Variants in GRIN2B observed in about 807,000 individuals in gnomAD.
The protein encoded by GRIN2B is glutamate receptor ionotropic, NMDA 2B.
In GRIN2B, 5 loss-of-function variants were observed where a neutral mutation model predicts 114.5. The observed-to-expected ratio is 0.04, with a 90% CI of 0.02 to 0.09. GRIN2B has a LOEUF of 0.09. GRIN2B is among the 10% of genes least tolerant of loss of function. GRIN2B has a pLI of 1.00. For missense variants in GRIN2B, 1,108 were observed against 1,943.5 expected (o/e 0.57, Z 8.08); for synonymous variants, 787 against 745.1 (o/e 1.06, Z -0.92).
intron 3 of GRIN2B, among the ~76,000 whole-genome samples, chr12:13,806,065 CTTTTT>C (rs972678560): frequency 6.6e-6 from 1 of 152,130 alleles, no homozygotes; most frequent in Admixed American, 6.6e-5. Context: ...CAACTTCCTT[CTTTTT>C]TAAGACTGAA....
chr12:13,658,911 T>C (rs1949893871), intron 5 of GRIN2B, among the ~76,000 whole-genome samples: 1 of 151,794 alleles, frequency 6.6e-6, no homozygotes, highest in Non-Finnish European at 1.5e-5. Context: ...TACCAACCTC[T>C]TGGGTGGTGA....
chr12:13,779,672 A>T (rs550131002), intron 3 of GRIN2B, among the ~76,000 whole-genome samples: 2 of 152,192 alleles, frequency 1.3e-5, no homozygotes, highest in Admixed American at 1.3e-4. Context: ...TTTACAACAC[A>T]TCTTAGTTCA....
chr12:13,802,798 G>C (rs1354930887), intron 3 of GRIN2B, among the ~76,000 whole-genome samples: 4 of 152,146 alleles, frequency 2.6e-5, no homozygotes, highest in African/African-American at 9.7e-5. Flanking sequence ...TATCTAGTGA[G>C]ATTAACTATC....
At chr12:13,925,861 A>G (rs764753516) in intron 2 of GRIN2B, among the ~76,000 whole-genome samples, 1 of 152,214 alleles carries the variant, frequency 6.6e-6, no homozygotes, top group Non-Finnish European at 1.5e-5. Flanking sequence ...GTTAAAATAC[A>G]GAGTGACGGG....
At chr12:13,837,617 A>G (rs759224844) in intron 3 of GRIN2B, among the ~76,000 whole-genome samples, 1 of 152,210 alleles carries the variant, frequency 6.6e-6, no homozygotes, top group Non-Finnish European at 1.5e-5. Flanking sequence ...GTCATTGCCT[A>G]AGTTCACACA....
At position 13,547,995 on chromosome 12, in the gene GRIN2B, T is replaced by TTTTTTTTTTTTTTTTC. The variant is rs71067707; in HGVS notation, c.*14787_*14788insGAAAAAAAAAAAAAAA. On this transcript the variant is annotated 3_prime_UTR_variant, in exon 14 of 14. Transcript: ENST00000609686. ...TATATATATATATTTTTTTTTTTTT[T>TTTTTTTTTTTTTTTTC]CTGAAAGCTACAGAAGAGACCACGG... 1 of 125,170 alleles carries TTTTTTTTTTTTTTTTC rather than the reference T, an allele frequency of 8.0e-6. No individual in the cohort carries two copies. Among genetic ancestry groups the TTTTTTTTTTTTTTTTC allele is most frequent in the Non-Finnish European group, 1.7e-5 (1 of 57,726 alleles). 7.8% of individuals were successfully genotyped at this position (125,170 alleles called of 1,614,324 possible).
intron 3 of GRIN2B, among the ~76,000 whole-genome samples, chr12:13,767,258 CAAAAAAA>C (rs34462939): frequency 2.0e-5 from 2 of 97,686 alleles, no homozygotes; most frequent in African/African-American, 8.0e-5. Flanking sequence ...GACTCTGTCT[CAAAAAAA>C]AAAAAAAAAA....
At chr12:13,627,569 C>T (rs1949580717) in intron 5 of GRIN2B, among the ~76,000 whole-genome samples, 1 of 152,202 alleles carries the variant, frequency 6.6e-6, no homozygotes, top group African/African-American at 2.4e-5. Context: ...AGTTGGGTTG[C>T]AAGTGACAGG....
At chr12:13,878,502 G>C (rs1011706491) in intron 2 of GRIN2B, among the ~76,000 whole-genome samples, 1 of 152,206 alleles carries the variant, frequency 6.6e-6, no homozygotes, top group African/African-American at 2.4e-5. Flanking sequence ...ATAGCCCTTT[G>C]ACTGAACTAT....
At chr12:13,807,734 T>C (rs1337753032) in intron 3 of GRIN2B, among the ~76,000 whole-genome samples, 1 of 81,942 alleles carries the variant, frequency 1.2e-5, no homozygotes, top group Non-Finnish European at 2.4e-5. Flanking sequence ...TTTTTTTTTT[T>C]TGTAGTCAGG....
intron 3 of GRIN2B, among the ~76,000 whole-genome samples, chr12:13,858,327 A>T (rs554876758): frequency 6.6e-6 from 1 of 152,238 alleles, no homozygotes; most frequent in African/African-American, 2.4e-5. Flanking sequence ...AAATAGAATT[A>T]TAGCAATAAA....
At chr12:13,658,921 A>G (rs1045540430) in intron 5 of GRIN2B, among the ~76,000 whole-genome samples, 1 of 151,402 alleles carries the variant, frequency 6.6e-6, no homozygotes, top group Non-Finnish European at 1.5e-5. Flanking sequence ...TTGGGTGGTG[A>G]CTACTTCTCC....
chr12:13,747,671 C>T lies in GRIN2B; in HGVS notation c.1010+5646G>A, dbSNP rs191211861. Among the ~76,000 whole-genome samples the T allele has an allele frequency of 7.4e-4, 112 of 152,250 alleles. 2 individuals are homozygous for T. The highest frequency in any genetic ancestry group is 5.0e-3 in the South Asian group (24 of 4,826). On this transcript the variant is annotated intron_variant, in intron 4 of 13. Coordinates refer to ENST00000609686, the MANE Select transcript of GRIN2B (RefSeq NM_000834.5). The stretch of plus-strand genomic sequence containing the variant: ...TGAAAAGCCACTGTGCCAGCTATAC[C>T]GCTTATTACTATGCATTCATGTAAC...
At chr12:13,889,424 A>C (rs142842017) in intron 2 of GRIN2B, among the ~76,000 whole-genome samples, 27 of 152,348 alleles carry the variant, frequency 1.8e-4, no homozygotes, top group African/African-American at 6.5e-4. Context: ...CTACTGAAGA[A>C]ATTTTAAGTA....
At chr12:13,961,039 C>A (rs960440536) in intron 2 of GRIN2B, among the ~76,000 whole-genome samples, 86 of 151,512 alleles carry the variant, frequency 5.7e-4, no homozygotes, top group African/African-American at 2.0e-3. Context: ...GCTGGTCATG[C>A]CGTCATTCGT....
chr12:13,719,571 A>G (rs757208230), intron 4 of GRIN2B, among the ~76,000 whole-genome samples: 1 of 152,078 alleles, frequency 6.6e-6, no homozygotes, highest in Non-Finnish European at 1.5e-5. Context: ...ATAGGAGACC[A>G]TCACAGTACA....
chr12:13,657,139 G>A (rs975159344), intron 5 of GRIN2B, among the ~76,000 whole-genome samples: 1 of 152,168 alleles, frequency 6.6e-6, no homozygotes, highest in Non-Finnish European at 1.5e-5. Flanking sequence ...TGACTGCAAA[G>A]AGTCAATAAA....
At chr12:13,800,570 T>G (rs1301290068) in intron 3 of GRIN2B, among the ~76,000 whole-genome samples, 2 of 152,200 alleles carry the variant, frequency 1.3e-5, no homozygotes, top group African/African-American at 4.8e-5. Flanking sequence ...GTCTAAACTG[T>G]CACCCCTTGG....
chr12:13,666,492 AC>A (rs1468140982), intron 5 of GRIN2B, among the ~76,000 whole-genome samples: 1 of 152,082 alleles, frequency 6.6e-6, no homozygotes, highest in Non-Finnish European at 1.5e-5. Context: ...TTATAAAATC[AC>A]CCTGAATAAT....
Sources: gnomAD v4.1 joint callset for allele counts (sites outside exome capture counted in the v4.1 genomes callset) on GRCh38, gnomAD v4.1.1 for gene constraint, MANE v1.5 for transcripts, NCBI Gene and HGNC (gene_info 2026-07-23, HGNC 2026-07-21) for gene names.